MEGF9: variants seen among roughly 807,000 people sequenced by gnomAD.
MEGF9 encodes the protein multiple epidermal growth factor-like domains protein 9.
A neutral mutation model predicts 46.8 loss-of-function variants in MEGF9; 6 were observed. The ratio of observed to expected loss-of-function variants is 0.13; its 90% confidence interval spans 0.07 to 0.25. The LOEUF (loss-of-function observed/expected upper bound fraction) is 0.25, where lower values mean the gene tolerates loss of function less well. MEGF9 is among the 10% of genes least tolerant of loss of function. The probability of loss-of-function intolerance (pLI) is 1.00; values close to 1 mark genes in which losing one functional copy is unlikely to be tolerated. For synonymous variants in MEGF9, 302 were observed against 330.7 expected, an observed-to-expected ratio of 0.91 and a Z score of 0.94; for missense variants, 683 against 792.4, an observed-to-expected ratio of 0.86 and a Z score of 1.66.
At chr9:120,607,641 C>T in intron 5 of MEGF9, 100 bp downstream of exon 5, 2 of 1,286,384 alleles carry the variant, frequency 1.6e-6, no homozygotes, top group South Asian at 1.4e-5. Flanking sequence ...AATCTATTTC[C>T]AGAAACTCCT....
At chr9:120,618,607 A>C (rs2043482795) in intron 3 of MEGF9, among the ~76,000 whole-genome samples, 1 of 152,200 alleles carries the variant, frequency 6.6e-6, no homozygotes, top group African/African-American at 2.4e-5. Context: ...TCTCTCATTA[A>C]GATTTTTAGG....
chr9:120,679,325 G>A (rs1371597405), intron 1 of MEGF9, among the ~76,000 whole-genome samples: 1 of 151,978 alleles, frequency 6.6e-6, no homozygotes, highest in Non-Finnish European at 1.5e-5. Context: ...TCCTTTGTAG[G>A]GACACAGATG....
intron 1 of MEGF9, chr9:120,689,884 T>C (rs753229682): frequency 5.9e-6 from 3 of 507,240 alleles, no homozygotes; most frequent in Non-Finnish European, 1.2e-5. Flanking sequence ...CAATACCTGA[T>C]AACAATTTTC....
At chr9:120,700,352 T>C (rs1226353987) in intron 1 of MEGF9, among the ~76,000 whole-genome samples, 1 of 152,228 alleles carries the variant, frequency 6.6e-6, no homozygotes, top group Admixed American at 6.5e-5. Context: ...CAGGATAGGT[T>C]TGCAGGCAAT....
intron 2 of MEGF9, among the ~76,000 whole-genome samples, chr9:120,639,207 T>C (rs929121976): frequency 1.3e-5 from 2 of 151,646 alleles, no homozygotes; most frequent in African/African-American, 4.9e-5. Flanking sequence ...TTTAGTGAAA[T>C]AGTTAAGAGT....
intron 1 of MEGF9, among the ~76,000 whole-genome samples, chr9:120,705,313 C>G (rs933874627): frequency 1.3e-5 from 2 of 151,722 alleles, no homozygotes; most frequent in Non-Finnish European, 2.9e-5. Flanking sequence ...CTGACACTAA[C>G]ACATCTTTAA....
intron 1 of MEGF9, among the ~76,000 whole-genome samples, chr9:120,691,160 G>T (rs141197933): frequency 1.8e-3 from 275 of 152,060 alleles, no homozygotes; most frequent in African/African-American, 6.1e-3. Flanking sequence ...AACAATGCCA[G>T]AAATAACAAC....
intron 1 of MEGF9, among the ~76,000 whole-genome samples, chr9:120,678,056 T>C (rs1479071748): frequency 6.6e-6 from 1 of 152,214 alleles, no homozygotes; most frequent in Non-Finnish European, 1.5e-5. Context: ...GCCTGGCTTA[T>C]TTCACTTAAC....
At chr9:120,705,951 A>G (rs1211076881) in intron 1 of MEGF9, among the ~76,000 whole-genome samples, 1 of 152,172 alleles carries the variant, frequency 6.6e-6, no homozygotes, top group Non-Finnish European at 1.5e-5. Context: ...AGATAAAGGA[A>G]AAAGCAAGGA....
At chr9:120,659,316 C>T in intron 2 of MEGF9, 58 bp downstream of exon 2, 1 of 1,479,104 alleles carries the variant, frequency 6.8e-7, no homozygotes, top group Non-Finnish European at 9.3e-7. Context: ...AGAGTAGCAG[C>T]CTTTTTTTTC....
At chr9:120,628,468 G>GTTTTTTTTTT (rs1170322238) in intron 2 of MEGF9, among the ~76,000 whole-genome samples, 5 of 69,060 alleles carry the variant, frequency 7.2e-5, no homozygotes, top group Non-Finnish European at 1.3e-4. Flanking sequence ...TCTTGTCGTT[G>GTTTTTTTTTT]TTTTTTTTTT....
chr9:120,653,765 G>A (rs888211632), intron 2 of MEGF9, among the ~76,000 whole-genome samples: 2 of 152,140 alleles, frequency 1.3e-5, no homozygotes, highest in African/African-American at 4.8e-5. Flanking sequence ...ATATGCCAAA[G>A]ACAAACAAGA....
At chr9:120,628,477 T>TG (rs1447148978) in intron 2 of MEGF9, among the ~76,000 whole-genome samples, 17 of 138,086 alleles carry the variant, frequency 1.2e-4, no homozygotes, top group South Asian at 2.4e-4. Context: ...TGTTTTTTTT[T>TG]TTTTTTTTTT....
At chr9:120,638,519 G>T (rs951297929) in intron 2 of MEGF9, among the ~76,000 whole-genome samples, 1 of 152,108 alleles carries the variant, frequency 6.6e-6, no homozygotes, top group Non-Finnish European at 1.5e-5. Flanking sequence ...AACCCTATAG[G>T]GGGTAGAGTA....
At chr9:120,610,859 T>C (rs1455561980) in intron 4 of MEGF9, among the ~76,000 whole-genome samples, 1 of 152,156 alleles carries the variant, frequency 6.6e-6, no homozygotes, top group Non-Finnish European at 1.5e-5. Context: ...TTATAAATCA[T>C]ATATCTGTTA....
At chr9:120,700,424 T>G (rs2043898730) in intron 1 of MEGF9, among the ~76,000 whole-genome samples, 1 of 152,204 alleles carries the variant, frequency 6.6e-6, no homozygotes, top group Non-Finnish European at 1.5e-5. Flanking sequence ...TTGGTACACT[T>G]TATAACTATT....
At chr9:120,642,399 G>A (rs891114217) in intron 2 of MEGF9, among the ~76,000 whole-genome samples, 6 of 152,116 alleles carry the variant, frequency 3.9e-5, no homozygotes, top group East Asian at 1.9e-4. Flanking sequence ...ACTTGGAGCC[G>A]GACAGATCTG....
intron 2 of MEGF9, among the ~76,000 whole-genome samples, chr9:120,632,247 T>A (rs1221428864): frequency 1.3e-5 from 2 of 152,152 alleles, no homozygotes; most frequent in Admixed American, 6.5e-5. Context: ...TTTAATTTTT[T>A]AAATGTCCTA....
chr9:120,704,487 C>CA (rs1348204655), intron 1 of MEGF9, among the ~76,000 whole-genome samples: 2 of 152,162 alleles, frequency 1.3e-5, no homozygotes, highest in Non-Finnish European at 2.9e-5. Flanking sequence ...AAATATAAAG[C>CA]AAACAGTCCT....
Sources: allele counts gnomAD v4.1 joint callset (sites outside exome capture counted in the v4.1 genomes callset), GRCh38; gene constraint gnomAD v4.1.1; transcripts MANE v1.5; gene names NCBI Gene and HGNC (gene_info 2026-07-23, HGNC 2026-07-21).